The following CBX5 variants were observed in gnomAD, a reference collection of about 807,000 sequenced individuals.
CBX5 encodes the protein chromobox 5.
CBX5 carries 7 observed loss-of-function variants against 20.7 expected under a neutral mutation model. The observed-to-expected ratio is 0.34, with a 90% CI of 0.19 to 0.63. CBX5 has a LOEUF of 0.63. Among genes scored for constraint, CBX5 ranks in the 30% least tolerant of loss-of-function variants. The pLI is 0.75. For synonymous variants in CBX5, 78 were observed against 77.0 expected, an observed-to-expected ratio of 1.01 and a Z score of -0.07; for missense variants, 110 against 224.1, an observed-to-expected ratio of 0.49 and a Z score of 3.25.
intron 1 of CBX5, among the ~76,000 whole-genome samples, chr12:54,267,023 AGATG>A (rs752214763): frequency 6.6e-6 from 1 of 152,238 alleles, no homozygotes; most frequent in Admixed American, 6.5e-5. Context: ...AATGCCTTCC[AGATG>A]GTGTTTTCCA....
chr12:54,250,757 A>AT (rs1943789086), intron 3 of CBX5, among the ~76,000 whole-genome samples: 2 of 122,228 alleles, frequency 1.6e-5, no homozygotes, highest in African/African-American at 3.1e-5. Context: ...GTGAGCCGAG[A>AT]TTGCGCCACT....
At chr12:54,265,301 T>A (rs1943946601) in intron 1 of CBX5, among the ~76,000 whole-genome samples, 1 of 152,258 alleles carries the variant, frequency 6.6e-6, no homozygotes, top group South Asian at 2.1e-4. Flanking sequence ...TTCCTTGCTC[T>A]TTATGGAGCT....
chr12:54,265,531 T>A (rs1427871287), intron 1 of CBX5, among the ~76,000 whole-genome samples: 1 of 152,342 alleles, frequency 6.6e-6, no homozygotes, highest in African/African-American at 2.4e-5. Flanking sequence ...CAAAAGCCCA[T>A]GAGCACACAA....
At chr12:54,277,332 T>C (rs934671566) in intron 1 of CBX5, among the ~76,000 whole-genome samples, 1 of 152,148 alleles carries the variant, frequency 6.6e-6, no homozygotes, top group African/African-American at 2.4e-5. Flanking sequence ...GCCTCCCGAG[T>C]AGCTGGAATT....
intron 1 of CBX5, chr12:54,259,681 G>A (rs1171077615): frequency 6.5e-6 from 1 of 152,700 alleles, no homozygotes; most frequent in Non-Finnish European, 1.5e-5. Flanking sequence ...ACACTAAGGG[G>A]GAGAAGCAAA....
In CBX5 at chr12:54,240,142, A is replaced by G. The variant is rs190702947; in HGVS notation, c.*1613T>C. Reference sequence around the variant, plus strand: ...TGGGGCTGGGACAAGGATCCTCAAAACCCTGCTATTTCCTTACTTTTAATT... The same window carrying G: ...TGGGGCTGGGACAAGGATCCTCAAAGCCCTGCTATTTCCTTACTTTTAATT... On this transcript the variant is annotated 3_prime_UTR_variant, in exon 5 of 5. Coordinates refer to ENST00000209875, the MANE Select transcript of CBX5 (RefSeq NM_012117.3). 1.3e-5 allele frequency: 2 copies of G among 152,164 alleles called. No individual in the cohort carries two copies. The highest frequency in any genetic ancestry group is 4.8e-5 in the African/African-American group (2 of 41,516). 9.4% of individuals were successfully genotyped at this position (152,164 alleles called of 1,614,324 possible). A position where few individuals can be genotyped will look rare whatever the true frequency, so the allele number is the denominator to read the frequency against.
intron 1 of CBX5, 116 bp downstream of exon 1, chr12:54,279,892 A>G (rs985315730): frequency 2.7e-5 from 4 of 149,788 alleles, no homozygotes; most frequent in African/African-American, 5.0e-5. Context: ...GGCCCGACCC[A>G]CCGCTGCCCC....
At position 54,257,652 on chromosome 12, in the gene CBX5, T is replaced by A. The variant is rs1565871185; in HGVS notation, c.-2A>T. The A allele has an allele frequency of 3.1e-6, 5 of 1,614,210 alleles. No individual in the cohort carries two copies. Among genetic ancestry groups the A allele is most frequent in the Non-Finnish European group, 4.2e-6 (5 of 1,180,024 alleles). On this transcript the variant is annotated 5_prime_UTR_variant, in exon 2 of 5. Coordinates refer to ENST00000209875, the MANE Select transcript of CBX5 (RefSeq NM_012117.3). ...TGTCCGCTTGGTTTTCTTTCCCATG[T>A]CGCACACCGTTCCACCTGAAAGACT...
In CBX5 at chr12:54,235,508, G is replaced by A. The variant is rs1335169310; in HGVS notation, c.*6247C>T. ...CGGCGCCTGTAGTCCCAGCTCCTCG[G>A]GAGGCTGAGGCAGGAGAATGGCGTG... is the stretch of plus-strand genomic sequence containing the variant. On this transcript the variant is annotated 3_prime_UTR_variant, in exon 5 of 5. Transcript: ENST00000209875. The A allele has an allele frequency of 6.6e-6, 1 of 152,254 alleles. No homozygotes were observed. The highest frequency in any genetic ancestry group is 1.5e-5 in the Non-Finnish European group (1 of 68,114). The allele number at this position is 152,254 out of a possible 1,614,324, so 9.4% of individuals were successfully genotyped here.
At chr12:54,255,094 TCA>T (rs1303281158) in intron 2 of CBX5, among the ~76,000 whole-genome samples, 1 of 152,138 alleles carries the variant, frequency 6.6e-6, no homozygotes, top group Non-Finnish European at 1.5e-5. Context: ...TGCTTCTACT[TCA>T]GTTTCCACCC....
chr12:54,262,325 C>G (rs1943921267), intron 1 of CBX5, among the ~76,000 whole-genome samples: 1 of 152,162 alleles, frequency 6.6e-6, no homozygotes, highest in Non-Finnish European at 1.5e-5. Context: ...CCCCACAAAA[C>G]ATCAGAAAAT....
chr12:54,278,261 G>A (rs542712635), intron 1 of CBX5, among the ~76,000 whole-genome samples: 1 of 152,300 alleles, frequency 6.6e-6, no homozygotes, highest in East Asian at 1.9e-4. Context: ...TGCTAATGCT[G>A]AGAAACCTTG....
chr12:54,263,813 C>T (rs554066563), intron 1 of CBX5, among the ~76,000 whole-genome samples: 3 of 144,280 alleles, frequency 2.1e-5, no homozygotes, highest in African/African-American at 5.2e-5. Context: ...AAAGGCCAGG[C>T]GCAGTGGCTC....
At position 54,256,101 on chromosome 12, in the gene CBX5, T is replaced by C. The variant is rs115440121; in HGVS notation, c.137+1413A>G. Among the ~76,000 whole-genome samples the C allele has an allele frequency of 6.2e-3, 940 of 152,350 alleles. 7 individuals carry two copies. Among genetic ancestry groups the C allele is most frequent in the African/African-American group, 0.022 (901 of 41,582 alleles). On this transcript the variant is annotated intron_variant, in intron 2 of 4. Transcript: ENST00000209875. ...ACCTTACCTTTTCCCCTTTCATCTATGGTAAGGTACCAGTAGCTCAATGAC... is the reference window on the plus strand; with the variant it reads ...ACCTTACCTTTTCCCCTTTCATCTACGGTAAGGTACCAGTAGCTCAATGAC...
At chr12:54,279,642 C>T (rs1944111105) in intron 1 of CBX5, among the ~76,000 whole-genome samples, 1 of 152,144 alleles carries the variant, frequency 6.6e-6, no homozygotes, top group African/African-American at 2.4e-5. Flanking sequence ...CCATTGGAGT[C>T]AAACCGCTGC....
intron 1 of CBX5, chr12:54,276,963 T>C (rs1216258550): frequency 3.3e-5 from 5 of 152,212 alleles, no homozygotes; most frequent in African/African-American, 9.6e-5. Flanking sequence ...ATATTTGCCA[T>C]TATTTTAGGA....
chr12:54,260,160 CAAAAAAAA>C (rs368171294), intron 1 of CBX5, among the ~76,000 whole-genome samples: 3 of 74,992 alleles, frequency 4.0e-5, no homozygotes, highest in Non-Finnish European at 8.4e-5. Context: ...AAACAACAAC[CAAAAAAAA>C]AAAAAAAAAA....
intron 1 of CBX5, among the ~76,000 whole-genome samples, chr12:54,269,953 G>A (rs1943993969): frequency 6.6e-6 from 1 of 152,132 alleles, no homozygotes; most frequent in South Asian, 2.1e-4. Flanking sequence ...GACATTGAAT[G>A]TATTCGTATC....
intron 2 of CBX5, chr12:54,255,655 G>GA (rs1309344469): frequency 1.3e-5 from 2 of 151,736 alleles, no homozygotes; most frequent in Non-Finnish European, 2.9e-5. Context: ...ATGTTAACCA[G>GA]ACAGGAGTGC....
Sources: allele counts gnomAD v4.1 joint callset (sites outside exome capture counted in the v4.1 genomes callset), GRCh38; gene constraint gnomAD v4.1.1; transcripts MANE v1.5; gene names NCBI Gene and HGNC (gene_info 2026-07-23, HGNC 2026-07-21).